Variants in CLASP2 observed in about 807,000 individuals in gnomAD.
CLASP2 encodes cytoplasmic linker associated protein 2.
A neutral mutation model predicts 194.4 loss-of-function variants in CLASP2; 47 were observed. That is an observed-to-expected ratio of 0.24 (90% CI 0.19 to 0.31). The LOEUF is 0.31. CLASP2 is among the 10% of genes least tolerant of loss of function. The pLI is 1.00. For missense variants in CLASP2, 1,445 were observed against 1,823.6 expected, an observed-to-expected ratio of 0.79 and a Z score of 3.78; for synonymous variants, 619 against 633.5, an observed-to-expected ratio of 0.98 and a Z score of 0.34.
intron 34 of CLASP2, among the ~76,000 whole-genome samples, chr3:33,525,812 G>A (rs2054382691): frequency 6.6e-6 from 1 of 152,220 alleles, no homozygotes; most frequent in Non-Finnish European, 1.5e-5. Context: ...AGGGGGCTGA[G>A]CAGTGACAGC....
chr3:33,673,718 C>T (rs1484273843), intron 6 of CLASP2, among the ~76,000 whole-genome samples: 1 of 152,184 alleles, frequency 6.6e-6, no homozygotes, highest in African/African-American at 2.4e-5. Context: ...CACAGACACA[C>T]ATAGGCTCAA....
intron 21 of CLASP2, among the ~76,000 whole-genome samples, chr3:33,585,351 T>G (rs2067119956): frequency 6.6e-6 from 1 of 152,174 alleles, no homozygotes; most frequent in African/African-American, 2.4e-5. Flanking sequence ...TGTTGTTGGG[T>G]GATTTTATCA....
At chr3:33,716,564 T>C (rs531269638) in intron 1 of CLASP2, among the ~76,000 whole-genome samples, 2 of 152,346 alleles carry the variant, frequency 1.3e-5, no homozygotes, top group African/African-American at 4.8e-5. Flanking sequence ...TGCTGTAGCA[T>C]AAAATCAACT....
intron 26 of CLASP2, among the ~76,000 whole-genome samples, chr3:33,570,421 C>T (rs73053695): frequency 3.6e-3 from 541 of 152,226 alleles, no homozygotes; most frequent in Non-Finnish European, 6.2e-3. Context: ...CAACTTACCC[C>T]AATTATGTCT....
At chr3:33,625,680 A>AT (rs1255223270) in intron 10 of CLASP2, among the ~76,000 whole-genome samples, 3 of 150,638 alleles carry the variant, frequency 2.0e-5, no homozygotes, top group Admixed American at 6.6e-5. Context: ...TTGTTTTTTT[A>AT]TTTTTTTTAG....
At chr3:33,606,869 A>G (rs1162033668) in intron 15 of CLASP2, 111 bp from the exon 16 acceptor site, 5 of 771,768 alleles carry the variant, frequency 6.5e-6, no homozygotes, top group African/African-American at 1.7e-5. Flanking sequence ...TTTCAGCATT[A>G]TCTGATATTT....
intron 33 of CLASP2, among the ~76,000 whole-genome samples, chr3:33,536,650 G>A (rs1268184691): frequency 6.6e-6 from 1 of 152,178 alleles, no homozygotes; most frequent in African/African-American, 2.4e-5. Context: ...ATAGAGTTGA[G>A]TGAGAGTGAG....
chr3:33,660,393 A>T (rs533402530), intron 7 of CLASP2, among the ~76,000 whole-genome samples: 172 of 152,294 alleles, frequency 1.1e-3, no homozygotes, highest in Non-Finnish European at 1.7e-3. Flanking sequence ...TTTACAATAT[A>T]ACAAGTTGAG....
At chr3:33,603,252 A>G (rs1264497005) in intron 17 of CLASP2, 127 bp from the exon 18 acceptor site, 17 of 957,564 alleles carry the variant, frequency 1.8e-5, no homozygotes, top group Non-Finnish European at 2.6e-5. Flanking sequence ...GGCCAAATGG[A>G]CAGTACTATT....
chr3:33,590,679 A>G (rs541257656), intron 21 of CLASP2, among the ~76,000 whole-genome samples: 1 of 152,286 alleles, frequency 6.6e-6, no homozygotes, highest in East Asian at 1.9e-4. Context: ...TGCTCTAATC[A>G]TTATTCTGCC....
chr3:33,514,574 A>G (rs1001427535), intron 36 of CLASP2: 1 of 188,310 alleles, frequency 5.3e-6, no homozygotes, highest in African/African-American at 2.3e-5. Flanking sequence ...GTTCTACCAT[A>G]GATACCTAAT....
chr3:33,624,954 G>C (rs2077740516), intron 10 of CLASP2, among the ~76,000 whole-genome samples: 1 of 151,978 alleles, frequency 6.6e-6, no homozygotes, highest in South Asian at 2.1e-4. Flanking sequence ...CTCAAACACT[G>C]TAAGATTATA....
intron 34 of CLASP2, among the ~76,000 whole-genome samples, chr3:33,529,955 G>C (rs932472715): frequency 1.4e-5 from 2 of 147,632 alleles, no homozygotes; most frequent in Admixed American, 1.4e-4. Context: ...TCCGCAGTCC[G>C]GGCTGGGCGA....
At chr3:33,703,449 A>T (rs1317993736) in intron 1 of CLASP2, among the ~76,000 whole-genome samples, 1 of 152,234 alleles carries the variant, frequency 6.6e-6, no homozygotes, top group Non-Finnish European at 1.5e-5. Context: ...CACCGACAAC[A>T]CTAAGTGCTG....
At chr3:33,500,816 T>C (rs989091076) in intron 38 of CLASP2, among the ~76,000 whole-genome samples, 3 of 152,216 alleles carry the variant, frequency 2.0e-5, no homozygotes, top group African/African-American at 7.2e-5. Flanking sequence ...TAAGTGACGG[T>C]GAGTGCTTTC....
At chr3:33,499,302 A>G (rs544736126) in intron 38 of CLASP2, among the ~76,000 whole-genome samples, 25 of 151,414 alleles carry the variant, frequency 1.7e-4, no homozygotes, top group African/African-American at 5.8e-4. Flanking sequence ...AGCCATGCGG[A>G]ACTGTGAGTC....
chr3:33,540,085 C>T (rs1257350939), intron 32 of CLASP2, among the ~76,000 whole-genome samples: 4 of 151,942 alleles, frequency 2.6e-5, no homozygotes, highest in African/African-American at 7.2e-5. Context: ...CCTGCCACCA[C>T]ATCAGGCTAA....
chr3:33,671,042 G>A (rs1344886193), intron 6 of CLASP2, among the ~76,000 whole-genome samples: 8 of 152,006 alleles, frequency 5.3e-5, no homozygotes, highest in African/African-American at 1.2e-4. Context: ...AGTTTTCCAC[G>A]TGGAGAAATG....
intron 9 of CLASP2, among the ~76,000 whole-genome samples, chr3:33,630,425 T>A (rs567610283): frequency 3.9e-5 from 6 of 152,212 alleles, no homozygotes; most frequent in African/African-American, 1.2e-4. Context: ...TCAGGGAGCA[T>A]GAACCTCATA....
Sources: allele counts gnomAD v4.1 joint callset (sites outside exome capture counted in the v4.1 genomes callset), GRCh38; gene constraint gnomAD v4.1.1; transcripts MANE v1.5; gene names NCBI Gene and HGNC (gene_info 2026-07-23, HGNC 2026-07-21).